The following ADGRG6 variants were observed in gnomAD, a reference collection of about 807,000 sequenced individuals.
The protein encoded by ADGRG6 is adhesion G protein-coupled receptor G6, also known as G-protein coupled receptor 126.
Under a neutral mutation model 142.4 loss-of-function variants are expected in ADGRG6, and 84 were observed. That is an observed-to-expected ratio of 0.59 (90% CI 0.49 to 0.71). The LOEUF (loss-of-function observed/expected upper bound fraction) is 0.71, where lower values mean the gene tolerates loss of function less well. ADGRG6 is among the 30% of genes least tolerant of loss of function. ADGRG6 has a pLI of 0.00. For synonymous variants in ADGRG6, 521 were observed against 520.5 expected, an observed-to-expected ratio of 1.00 and a Z score of -0.01; for missense variants, 1,367 against 1,466.6, an observed-to-expected ratio of 0.93 and a Z score of 1.11.
At chr6:142,425,179 A>G (rs551807853) in intron 22 of ADGRG6, among the ~76,000 whole-genome samples, 11 of 152,288 alleles carry the variant, frequency 7.2e-5, no homozygotes, top group African/African-American at 2.6e-4. Context: ...TGAAAGGTGG[A>G]GTGACATGAT....
intron 2 of ADGRG6, among the ~76,000 whole-genome samples, chr6:142,314,934 A>G (rs1345012779): frequency 6.6e-6 from 1 of 151,012 alleles, no homozygotes; most frequent in African/African-American, 2.4e-5. Flanking sequence ...TGTACCAGAA[A>G]CCTCGAAGAC....
chr6:142,377,323 T>G (rs551689738), intron 4 of ADGRG6, among the ~76,000 whole-genome samples: 14 of 152,288 alleles, frequency 9.2e-5, no homozygotes, highest in South Asian at 2.1e-4. Flanking sequence ...ACTGATTGAT[T>G]CCCAGGTCCC....
chr6:142,305,094 A>G (rs758827709), intron 1 of ADGRG6, among the ~76,000 whole-genome samples: 6 of 152,202 alleles, frequency 3.9e-5, no homozygotes, highest in Non-Finnish European at 8.8e-5. Flanking sequence ...TTTGTAATAG[A>G]AAACCATACA....
rs536400519 is a variant in ADGRG6 at position 142,302,815 on chromosome 6, G to T, written c.2+484G>T. 214 of 159,072 alleles carry T rather than the reference G, an allele frequency of 1.3e-3. 1 individual carries two copies. Among genetic ancestry groups the T allele is most frequent in the Admixed American group, 4.0e-3 (62 of 15,514 alleles). 9.9% of individuals were successfully genotyped at this position (159,072 alleles called of 1,614,324 possible). ...GTAGAAGTTATTCTTGGATCTTTGG[G>T]GTGTTTGAATTTTTTTAAGGTGTGC... is the stretch of plus-strand genomic sequence containing the variant. On this transcript the variant is annotated intron_variant, in intron 1 of 24. Coordinates refer to ENST00000367609, the MANE Select transcript of ADGRG6 (RefSeq NM_198569.3).
chr6:142,356,558 T>C (rs1780454991), intron 2 of ADGRG6, among the ~76,000 whole-genome samples: 1 of 152,222 alleles, frequency 6.6e-6, no homozygotes, highest in Non-Finnish European at 1.5e-5. Context: ...AGGGCACTCC[T>C]TTCCTTAGTG....
intron 4 of ADGRG6, among the ~76,000 whole-genome samples, chr6:142,377,965 T>G (rs963059249): frequency 6.6e-6 from 1 of 152,202 alleles, no homozygotes; most frequent in African/African-American, 2.4e-5. Flanking sequence ...TGGATCATAT[T>G]AAAATAGTGT....
At chr6:142,327,016 T>C (rs565378274) in intron 2 of ADGRG6, among the ~76,000 whole-genome samples, 3 of 152,130 alleles carry the variant, frequency 2.0e-5, no homozygotes, top group South Asian at 2.1e-4. Context: ...ATGGGTATTG[T>C]GAAAGTACCC....
intron 7 of ADGRG6, among the ~76,000 whole-genome samples, chr6:142,392,089 T>G (rs1481859521): frequency 6.6e-6 from 1 of 151,990 alleles, no homozygotes; most frequent in Non-Finnish European, 1.5e-5. Context: ...CTGTTTCAAA[T>G]TATTACTATT....
chr6:142,333,887 G>C (rs1302085830), intron 2 of ADGRG6, among the ~76,000 whole-genome samples: 1 of 152,154 alleles, frequency 6.6e-6, no homozygotes, highest in Non-Finnish European at 1.5e-5. Context: ...TGGCAGGGAA[G>C]GACTTTAATT....
intron 9 of ADGRG6, among the ~76,000 whole-genome samples, chr6:142,394,263 G>C (rs1407235899): frequency 6.6e-6 from 1 of 151,964 alleles, no homozygotes; most frequent in Non-Finnish European, 1.5e-5. Context: ...AATTGCAAAG[G>C]TACCTTCAAA....
At chr6:142,321,494 A>G (rs140296073) in intron 2 of ADGRG6, among the ~76,000 whole-genome samples, 172 of 152,210 alleles carry the variant, frequency 1.1e-3, no homozygotes, top group African/African-American at 3.9e-3. Context: ...TGGTATATTC[A>G]TAATATAGAA....
intron 22 of ADGRG6, among the ~76,000 whole-genome samples, chr6:142,427,106 A>G (rs938783219): frequency 6.6e-6 from 1 of 152,206 alleles, no homozygotes; most frequent in East Asian, 1.9e-4. Context: ...TATGTATGCA[A>G]ATTTCTGCAG....
chr6:142,338,003 TGCCTTGTATC>T (rs1223837781), intron 2 of ADGRG6, among the ~76,000 whole-genome samples: 11 of 129,704 alleles, frequency 8.5e-5, no homozygotes, highest in African/African-American at 3.2e-4. Context: ...ATCCTTTTTA[TGCCTTGTATC>T]TTTGTTTTTT....
intron 8 of ADGRG6, among the ~76,000 whole-genome samples, chr6:142,393,321 A>G (rs1331110584): frequency 6.6e-6 from 1 of 152,138 alleles, no homozygotes; most frequent in Non-Finnish European, 1.5e-5. Flanking sequence ...TGGATCACCT[A>G]GAGCACCCCC....
In ADGRG6 at chr6:142,443,493, T is replaced by A; in HGVS notation, c.3731T>A (p.Phe1244Tyr). The change falls in exon 25 of 25, where the codon TTC becomes TAC. Residue 1244 changes from phenylalanine to tyrosine, a missense_variant. Coordinates refer to ENST00000367609, the MANE Select transcript of ADGRG6 (RefSeq NM_198569.3). The stretch of plus-strand genomic sequence containing the variant: ...AAAAATATTATCATGTCAGACACCT[T>A]CAGCCACAGCACAAAGTTTTAATGT... ...FYKNIIMSDT[F>Y]SHSTKF 6.2e-7 allele frequency: 1 copy of A among 1,610,364 alleles called. No homozygotes were observed. Among genetic ancestry groups the A allele is most frequent in the Non-Finnish European group, 8.5e-7 (1 of 1,177,664 alleles).
intron 4 of ADGRG6, among the ~76,000 whole-genome samples, chr6:142,375,942 G>A (rs913552074): frequency 4.0e-5 from 6 of 151,790 alleles, no homozygotes; most frequent in African/African-American, 1.5e-4. Flanking sequence ...ATATGACTTT[G>A]TTTTCCTATA....
chr6:142,339,217 G>A (rs945017730), intron 2 of ADGRG6, among the ~76,000 whole-genome samples: 2 of 152,224 alleles, frequency 1.3e-5, no homozygotes, highest in East Asian at 1.9e-4. Flanking sequence ...CACTTATCAC[G>A]GGTCAATAAA....
chr6:142,382,450 A>C (rs943869579), intron 5 of ADGRG6, among the ~76,000 whole-genome samples: 2 of 152,208 alleles, frequency 1.3e-5, no homozygotes, highest in African/African-American at 2.4e-5. Context: ...CCATGAGGCA[A>C]TTTATGATGA....
At chr6:142,394,436 G>A (rs1054376443) in intron 9 of ADGRG6, among the ~76,000 whole-genome samples, 1 of 151,968 alleles carries the variant, frequency 6.6e-6, no homozygotes, top group African/African-American at 2.4e-5. Flanking sequence ...TAATTTAATG[G>A]ATATGTCCAG....
Sources: gnomAD v4.1 joint callset for allele counts (sites outside exome capture counted in the v4.1 genomes callset) on GRCh38, gnomAD v4.1.1 for gene constraint, MANE v1.5 for transcripts, NCBI Gene and HGNC (gene_info 2026-07-23, HGNC 2026-07-21) for gene names.